Variants in AKAP9 observed in about 807,000 individuals in gnomAD.
AKAP9 encodes the protein A-kinase anchoring protein 9.
A neutral mutation model predicts 488.5 loss-of-function variants in AKAP9; 311 were observed. The observed-to-expected ratio is 0.64, with a 90% CI of 0.58 to 0.70. The LOEUF is 0.70. Among genes scored for constraint, AKAP9 ranks in the 30% least tolerant of loss-of-function variants. The pLI is 0.00. For missense variants in AKAP9, 4,215 were observed against 4,374.5 expected (o/e 0.96, Z 1.03); for synonymous variants, 1,462 against 1,483.5 (o/e 0.99, Z 0.33).
At chr7:91,959,191 A>G (rs1344307589) in intron 1 of AKAP9, among the ~76,000 whole-genome samples, 3 of 152,200 alleles carry the variant, frequency 2.0e-5, no homozygotes, top group Admixed American at 6.5e-5. Context: ...ACTTGAAAAC[A>G]TTATTTTTGA....
At chr7:92,022,136 G>T (rs1802410837) in intron 12 of AKAP9, 102 bp from the exon 13 acceptor site, 1 of 867,406 alleles carries the variant, frequency 1.2e-6, no homozygotes, top group South Asian at 1.4e-5. Context: ...AATTTTGGGT[G>T]GTTTTAAAAA....
chr7:92,049,153 A>G (rs1807491059), intron 21 of AKAP9, among the ~76,000 whole-genome samples: 1 of 152,196 alleles, frequency 6.6e-6, no homozygotes, highest in Non-Finnish European at 1.5e-5. Flanking sequence ...GACTTGAATA[A>G]CCATCATTTA....
At chr7:91,970,462 T>G (rs368516591) in intron 1 of AKAP9, 1 of 457,142 alleles carries the variant, frequency 2.2e-6, no homozygotes, top group African/African-American at 2.0e-5. Context: ...ATTAGTGTTT[T>G]TTTCTTTCAG....
chr7:91,957,114 A>G (rs1793119801), intron 1 of AKAP9, among the ~76,000 whole-genome samples: 1 of 152,188 alleles, frequency 6.6e-6, no homozygotes, highest in African/African-American at 2.4e-5. Context: ...AATTAAAAAA[A>G]TATGTAGTCT....
At chr7:92,048,130 G>A (rs1807315185) in intron 21 of AKAP9, among the ~76,000 whole-genome samples, 1 of 152,040 alleles carries the variant, frequency 6.6e-6, no homozygotes, top group African/African-American at 2.4e-5. Flanking sequence ...TAAATATAAT[G>A]GGAGCATTAT....
chr7:92,106,356 C>T (rs190898682), intron 47 of AKAP9, among the ~76,000 whole-genome samples: 157 of 140,412 alleles, frequency 1.1e-3, no homozygotes, highest in Non-Finnish European at 1.8e-3. Context: ...AGTTTTACTA[C>T]TCTCACTTTT....
chr7:92,093,944 G>A (rs1414205667), intron 39 of AKAP9, among the ~76,000 whole-genome samples: 12 of 151,936 alleles, frequency 7.9e-5, no homozygotes, highest in East Asian at 2.0e-4. Context: ...TCCACCACCC[G>A]GGTTCAAGTG....
intron 3 of AKAP9, among the ~76,000 whole-genome samples, chr7:91,982,166 C>T (rs183066815): frequency 1.9e-3 from 285 of 150,370 alleles, no homozygotes; most frequent in African/African-American, 6.4e-3. Context: ...ATTTTACGTA[C>T]GTATGTATGT....
intron 21 of AKAP9, among the ~76,000 whole-genome samples, chr7:92,047,705 A>G (rs1475688030): frequency 1.3e-5 from 2 of 152,250 alleles, no homozygotes; most frequent in Non-Finnish European, 2.9e-5. Flanking sequence ...ATTTGAATCA[A>G]CTAAAACCTT....
At chr7:91,971,928 G>A (rs1453029930) in intron 1 of AKAP9, among the ~76,000 whole-genome samples, 1 of 130,202 alleles carries the variant, frequency 7.7e-6, no homozygotes, top group East Asian at 2.3e-4. Context: ...TGTCTGGCTT[G>A]TTTTAGCTTT....
chr7:92,022,336 C>A lies in AKAP9; in HGVS notation c.3936C>A (p.Thr1312=), dbSNP rs1309731483. The A allele has an allele frequency of 4.4e-6, 7 of 1,607,388 alleles. No homozygotes were observed. Among genetic ancestry groups the A allele is most frequent in the Non-Finnish European group, 6.0e-6 (7 of 1,174,100 alleles). ...TEFLSIHSQM[T]NLEDIDVNHK... is the part of the protein sequence containing the mutation. ...TTTTATCAATCCATTCTCAGATGACCAATTTGGAAGACATTGGTAAATTTT... is the reference window on the plus strand; with the variant it reads ...TTTTATCAATCCATTCTCAGATGACAAATTTGGAAGACATTGGTAAATTTT... The change falls in exon 13 of 50, where the codon ACC becomes ACA. Residue 1312 remains threonine, a synonymous_variant. Transcript: ENST00000356239.
chr7:91,951,196 A>G (rs566564224), intron 1 of AKAP9, among the ~76,000 whole-genome samples: 3 of 152,200 alleles, frequency 2.0e-5, no homozygotes, highest in South Asian at 2.1e-4. Context: ...TTTTAATTGT[A>G]TGGCAGGAGA....
In AKAP9 at chr7:92,079,688, T is replaced by C. The variant is rs752977579; in HGVS notation, c.7555T>C (p.Tyr2519His). Reference protein sequence around the residue: ...SAKDLELTQCYKQIKDMQEQG... With the variant: ...SAKDLELTQCHKQIKDMQEQG... ...AAAGGACTTAGAACTTACCCAGTGT[T>C]ATAAACAAATAAAAGACATGCAAGA... Residue 2519 changes from tyrosine (Y) to histidine (H), a missense_variant, in exon 31 of 50, where the codon TAT (tyrosine) becomes CAT (histidine). Physicochemically the swap from Tyr to His is moderately conservative, Grantham distance 83 (BLOSUM62 2). Coordinates refer to ENST00000356239, the MANE Select transcript of AKAP9 (RefSeq NM_005751.5). The C allele has an allele frequency of 8.7e-6, 14 of 1,614,058 alleles. No individual in the cohort carries two copies. The highest frequency in any genetic ancestry group is 1.1e-5 in the Non-Finnish European group (13 of 1,179,988).
intron 1 of AKAP9, among the ~76,000 whole-genome samples, chr7:91,952,100 T>C (rs1237774603): frequency 2.0e-5 from 3 of 152,150 alleles, no homozygotes; most frequent in Admixed American, 6.5e-5. Flanking sequence ...TTTCAGTCTT[T>C]CAGATCAAAT....
chr7:92,079,370 A>C lies in AKAP9; in HGVS notation c.7237A>C (p.Lys2413Gln). 6.2e-7 allele frequency: 1 copy of C among 1,614,082 alleles called. No homozygotes were observed. Among genetic ancestry groups the C allele is most frequent in the East Asian group, 2.2e-5 (1 of 44,848 alleles). The change falls in exon 31 of 50, where the codon AAA becomes CAA. Residue 2413 changes from lysine (K) to glutamine (Q), a missense_variant. Physicochemically the swap from Lys to Gln is moderately conservative, Grantham distance 53. Coordinates refer to ENST00000356239, the MANE Select transcript of AKAP9 (RefSeq NM_005751.5). ...ETANEEMTFM[K>Q]NVLKETNFKM... ...CGCTAATGAAGAAATGACCTTCATG[A>C]AAAATGTACTTAAAGAAACCAATTT...
intron 46 of AKAP9, among the ~76,000 whole-genome samples, chr7:92,103,387 C>CTCT (rs1817931720): frequency 3.9e-5 from 1 of 25,902 alleles, no homozygotes. Flanking sequence ...GAGACTCTGT[C>CTCT]AAAAAAAAAA....
At chr7:92,107,503 G>C in intron 48 of AKAP9, 81 bp downstream of exon 48, 1 of 1,377,688 alleles carries the variant, frequency 7.3e-7, no homozygotes. Flanking sequence ...TTAGGGCTTT[G>C]ACTTCTTTGC....
At chr7:92,051,614 C>T (rs1267458585) in intron 21 of AKAP9, among the ~76,000 whole-genome samples, 1 of 152,146 alleles carries the variant, frequency 6.6e-6, no homozygotes, top group Non-Finnish European at 1.5e-5. Context: ...TCAGGTCTTG[C>T]GTCTGAAGCT....
intron 1 of AKAP9, among the ~76,000 whole-genome samples, chr7:91,951,453 T>A (rs553523684): frequency 6.0e-4 from 91 of 152,048 alleles, no homozygotes; most frequent in Admixed American, 3.0e-3. Context: ...GGCTCCCGAG[T>A]AGCTGGGGCT....
Sources: allele counts gnomAD v4.1 joint callset (sites outside exome capture counted in the v4.1 genomes callset), GRCh38; gene constraint gnomAD v4.1.1; transcripts MANE v1.5; gene names NCBI Gene and HGNC (gene_info 2026-07-23, HGNC 2026-07-21).